Variants in CSMD1 observed in about 807,000 individuals in gnomAD.
The protein encoded by CSMD1 is CUB and Sushi multiple domains 1, also known as CUB and sushi domain-containing protein 1.
A neutral mutation model predicts 417.5 loss-of-function variants in CSMD1; 213 were observed. The ratio of observed to expected loss-of-function variants is 0.51; its 90% confidence interval spans 0.46 to 0.57. CSMD1 has a LOEUF of 0.57. Among genes scored for constraint, CSMD1 ranks in the 20% least tolerant of loss-of-function variants. The probability of loss-of-function intolerance (pLI) is 0.00; values close to 1 mark genes in which losing one functional copy is unlikely to be tolerated. For synonymous variants in CSMD1, 2,862 were observed against 1,736.8 expected, an observed-to-expected ratio of 1.65 and a Z score of -16.11; for missense variants, 6,923 against 4,529.7, an observed-to-expected ratio of 1.53 and a Z score of -15.17.
chr8:3,196,214 C>A (rs1796694916), intron 33 of CSMD1, among the ~76,000 whole-genome samples: 1 of 152,156 alleles, frequency 6.6e-6, no homozygotes, highest in Non-Finnish European at 1.5e-5. Flanking sequence ...TTACAAATGC[C>A]ATGGCAATGC....
intron 2 of CSMD1, among the ~76,000 whole-genome samples, chr8:4,423,878 T>G (rs1478021758): frequency 6.6e-6 from 1 of 152,052 alleles, no homozygotes; most frequent in Non-Finnish European, 1.5e-5. Flanking sequence ...TAAACCCGTA[T>G]GTCAATGGAT....
In CSMD1 at chr8:4,054,482, G is replaced by C. The variant is rs1163989874; in HGVS notation, c.416-22383C>G. On this transcript the variant is annotated intron_variant, in intron 3 of 69. Transcript: ENST00000635120. ...TTCTTAGCAAGAACGACTGCATTTT[G>C]GAAGCTTTTGTCATGTCGGTTTCGT... Among the ~76,000 whole-genome samples the C allele has an allele frequency of 2.0e-5, 3 of 151,900 alleles. 1 individual carries two copies. Among genetic ancestry groups the C allele is most frequent in the South Asian group, 4.2e-4 (2 of 4,804 alleles).
intron 3 of CSMD1, among the ~76,000 whole-genome samples, chr8:4,227,853 C>G (rs776700008): frequency 2.7e-5 from 4 of 148,786 alleles, no homozygotes; most frequent in Non-Finnish European, 5.9e-5. Flanking sequence ...AACCCCACAC[C>G]AGGAGACACA....
intron 7 of CSMD1, among the ~76,000 whole-genome samples, chr8:3,667,386 G>C (rs74387112): frequency 0.028 from 4,254 of 152,204 alleles, 95 homozygotes; most frequent in Middle Eastern, 0.037. Context: ...AGGTCTCGGA[G>C]GAGTGAAAAT....
At chr8:3,546,221 A>C (rs1798654391) in intron 10 of CSMD1, among the ~76,000 whole-genome samples, 1 of 152,166 alleles carries the variant, frequency 6.6e-6, no homozygotes, top group African/African-American at 2.4e-5. Flanking sequence ...GTAAGGTTCT[A>C]TGCAGATAGT....
At chr8:4,531,109 A>C (rs150371330) in intron 2 of CSMD1, among the ~76,000 whole-genome samples, 112 of 152,284 alleles carry the variant, frequency 7.4e-4, no homozygotes, top group Non-Finnish European at 1.4e-3. Flanking sequence ...AATCATCGCG[A>C]GTAGAATACA....
At chr8:4,786,045 A>G (rs936730826) in intron 1 of CSMD1, among the ~76,000 whole-genome samples, 1 of 152,170 alleles carries the variant, frequency 6.6e-6, no homozygotes, top group Non-Finnish European at 1.5e-5. Flanking sequence ...AATAGCCAAC[A>G]TTTGTACATA....
chr8:4,631,022 C>T (rs1458550006), intron 2 of CSMD1, among the ~76,000 whole-genome samples: 1 of 152,080 alleles, frequency 6.6e-6, no homozygotes. Context: ...GTGGCTTCAC[C>T]CTCTGATTAT....
At chr8:4,338,335 T>C (rs1330932353) in intron 3 of CSMD1, among the ~76,000 whole-genome samples, 1 of 152,156 alleles carries the variant, frequency 6.6e-6, no homozygotes, top group Non-Finnish European at 1.5e-5. Flanking sequence ...ATGTGATCTG[T>C]TCCAGGGCTC....
intron 1 of CSMD1, among the ~76,000 whole-genome samples, chr8:4,654,373 T>C (rs1804095123): frequency 6.6e-6 from 1 of 152,070 alleles, no homozygotes; most frequent in Admixed American, 6.5e-5. Flanking sequence ...CCCTGCTGGG[T>C]CTCCACCCCT....
At chr8:3,330,350 G>A (rs192671732) in intron 23 of CSMD1, among the ~76,000 whole-genome samples, 47 of 152,266 alleles carry the variant, frequency 3.1e-4, no homozygotes, top group African/African-American at 1.1e-3. Flanking sequence ...CAATCTAAGT[G>A]CCCATCAGCG....
chr8:4,752,986 T>C (rs192196411), intron 1 of CSMD1, among the ~76,000 whole-genome samples: 22 of 152,302 alleles, frequency 1.4e-4, no homozygotes, highest in Non-Finnish European at 2.6e-4. Context: ...AATACAATTA[T>C]GGATGGTTTG....
intron 41 of CSMD1, among the ~76,000 whole-genome samples, chr8:3,139,921 T>TA (rs1354952279): frequency 2.7e-5 from 3 of 111,742 alleles, no homozygotes; most frequent in Non-Finnish European, 6.4e-5. Flanking sequence ...TTTTTTTTTT[T>TA]AGATGGAGTC....
chr8:4,522,610 G>C lies in CSMD1; in HGVS notation c.303-102545C>G, dbSNP rs1384173019. Among the ~76,000 whole-genome samples the C allele has an allele frequency of 2.0e-5, 3 of 152,150 alleles. No homozygotes were observed. The East Asian group carries it at 5.8e-4, about 29-fold the overall frequency. ...GTCTTTTGATAAGAGACAGAATTTA[G>C]CAAGTGGAACCAGACCCTTTCTGAC... On this transcript the variant is annotated intron_variant, in intron 2 of 69. Coordinates refer to ENST00000635120, the MANE Select transcript of CSMD1 (RefSeq NM_033225.6).
intron 4 of CSMD1, among the ~76,000 whole-genome samples, chr8:4,008,910 T>G (rs563971442): frequency 6.6e-6 from 1 of 152,292 alleles, no homozygotes; most frequent in African/African-American, 2.4e-5. Flanking sequence ...GCGCCCAGTC[T>G]GATTCAGTAT....
chr8:4,159,119 G>C (rs1277213070), intron 3 of CSMD1, among the ~76,000 whole-genome samples: 2 of 151,924 alleles, frequency 1.3e-5, no homozygotes, highest in Middle Eastern at 3.2e-3. Context: ...CTTCTCCATA[G>C]TTGGCAGGCT....
chr8:3,993,306 A>C (rs796297080), intron 5 of CSMD1, among the ~76,000 whole-genome samples: 5 of 152,314 alleles, frequency 3.3e-5, no homozygotes, highest in African/African-American at 1.2e-4. Context: ...GGCACGTGAG[A>C]GAAGGATTGA....
chr8:4,882,299 T>A (rs1803457184), intron 1 of CSMD1, among the ~76,000 whole-genome samples: 3 of 151,658 alleles, frequency 2.0e-5, no homozygotes, highest in Admixed American at 6.6e-5. Flanking sequence ...CGTGGCTGAA[T>A]GGCATACGGC....
intron 12 of CSMD1, among the ~76,000 whole-genome samples, chr8:3,427,886 T>A (rs1813956928): frequency 6.6e-6 from 1 of 152,236 alleles, no homozygotes; most frequent in Non-Finnish European, 1.5e-5. Flanking sequence ...AATGTTAGCA[T>A]CAGTTTATGA....
Sources: gnomAD v4.1 joint callset for allele counts (sites outside exome capture counted in the v4.1 genomes callset) on GRCh38, gnomAD v4.1.1 for gene constraint, MANE v1.5 for transcripts, NCBI Gene and HGNC (gene_info 2026-07-23, HGNC 2026-07-21) for gene names.